Variants in KIAA2012 observed in about 807,000 individuals in gnomAD.
KIAA2012 encodes uncharacterized protein KIAA2012.
A neutral mutation model predicts 150.6 loss-of-function variants in KIAA2012; 125 were observed. The observed-to-expected ratio is 0.83, with a 90% confidence interval of 0.72 to 0.96. KIAA2012 has a LOEUF of 0.96. Among genes scored for constraint, KIAA2012 ranks in the 40% least tolerant of loss-of-function variants. The pLI, the probability that KIAA2012 is intolerant of heterozygous loss-of-function variation, is 0.00. For missense variants in KIAA2012, 1,219 were observed against 1,354.9 expected (o/e 0.90, Z 1.57); for synonymous variants, 462 against 504.7 (o/e 0.92, Z 1.13).
intron 4 of KIAA2012, among the ~76,000 whole-genome samples, chr2:202,094,225 A>C (rs1199500537): frequency 2.0e-5 from 3 of 152,166 alleles, no homozygotes; most frequent in Non-Finnish European, 4.4e-5. Context: ...CAAGGCTGTA[A>C]TGAGCTATGA....
intron 2 of KIAA2012, among the ~76,000 whole-genome samples, chr2:202,081,598 A>G (rs1689453781): frequency 7.4e-6 from 1 of 135,444 alleles, no homozygotes; most frequent in Non-Finnish European, 1.5e-5. Context: ...CCCAGACTGG[A>G]GTGCAATGGC....
chr2:202,191,182 C>G (rs1574315376), intron 19 of KIAA2012, among the ~76,000 whole-genome samples: 1 of 152,196 alleles, frequency 6.6e-6, no homozygotes, highest in African/African-American at 2.4e-5. Context: ...GAGGCTGAGG[C>G]AGGAGAATTG....
intron 4 of KIAA2012, 95 bp downstream of exon 4, chr2:202,093,280 G>A: frequency 7.6e-7 from 1 of 1,308,988 alleles, no homozygotes. Context: ...AAGGTCTTGA[G>A]ATTCTGGGTT....
At chr2:202,085,435 A>C (rs577717868) in intron 2 of KIAA2012, among the ~76,000 whole-genome samples, 27 of 152,280 alleles carry the variant, frequency 1.8e-4, no homozygotes, top group African/African-American at 6.3e-4. Context: ...AAGATCAGAG[A>C]GAGGGCAGCC....
At chr2:202,148,676 C>T (rs577889449) in intron 13 of KIAA2012, among the ~76,000 whole-genome samples, 57 of 152,316 alleles carry the variant, frequency 3.7e-4, no homozygotes, top group South Asian at 8.3e-4. Context: ...GCTATGCGGC[C>T]AGGCTGGGTT....
intron 2 of KIAA2012, among the ~76,000 whole-genome samples, chr2:202,080,758 C>A (rs991923917): frequency 1.3e-5 from 2 of 151,438 alleles, no homozygotes; most frequent in Non-Finnish European, 2.9e-5. Context: ...ATACCAGTAC[C>A]ATTCTAAGTG....
chr2:202,122,756 G>A (rs1026713868), intron 11 of KIAA2012, among the ~76,000 whole-genome samples: 8 of 152,144 alleles, frequency 5.3e-5, no homozygotes, highest in South Asian at 2.1e-4. Context: ...CACCTGCCTC[G>A]GCCTCCCAAA....
intron 18 of KIAA2012, 49 bp from the exon 19 acceptor site, chr2:202,190,125 A>T (rs1692298616): frequency 1.4e-6 from 2 of 1,406,664 alleles, no homozygotes; most frequent in Middle Eastern, 2.3e-4. Context: ...TATAGTGATC[A>T]CATTAAGTTA....
chr2:202,179,124 G>T (rs1185148665), intron 15 of KIAA2012: 2 of 437,942 alleles, frequency 4.6e-6, no homozygotes, highest in Non-Finnish European at 8.5e-6. Context: ...TTTGTGTTTT[G>T]AGGTTGGTTT....
rs1330531939 is a variant in KIAA2012, at chr2:202,187,877, A to G, written c.2377-275A>G. ...TCCCTTTGATCCAGCTCTGTGAATC[A>G]TGATTTAGAATCTAAGAAAGGAGGC... On this transcript the variant is annotated intron_variant, in intron 17 of 23. Coordinates refer to ENST00000498697, the MANE Select transcript of KIAA2012 (RefSeq NM_001277372.4). 4.6e-5 allele frequency among the ~76,000 whole-genome samples: 7 copies of G among 152,224 alleles called. No homozygotes were observed. The East Asian group carries it at 1.2e-3, about 25-fold the overall frequency.
intron 2 of KIAA2012, among the ~76,000 whole-genome samples, chr2:202,087,695 T>C (rs1328427950): frequency 1.3e-5 from 2 of 152,108 alleles, no homozygotes; most frequent in Non-Finnish European, 2.9e-5. Flanking sequence ...TTGGTTTTTC[T>C]TATTAGGCTT....
intron 15 of KIAA2012, among the ~76,000 whole-genome samples, chr2:202,182,397 C>T (rs951864196): frequency 1.3e-5 from 2 of 152,028 alleles, no homozygotes; most frequent in East Asian, 1.9e-4. Flanking sequence ...CAGGCATGAG[C>T]CCCCACACCC....
At chr2:202,082,133 T>C (rs577248885) in intron 2 of KIAA2012, among the ~76,000 whole-genome samples, 122 of 152,334 alleles carry the variant, frequency 8.0e-4, no homozygotes, top group African/African-American at 2.8e-3. Flanking sequence ...TAAAGAAATA[T>C]CTATTCAAGT....
At chr2:202,081,958 C>T (rs1378736511) in intron 2 of KIAA2012, among the ~76,000 whole-genome samples, 1 of 152,076 alleles carries the variant, frequency 6.6e-6, no homozygotes, top group Non-Finnish European at 1.5e-5. Context: ...GTTACAACAT[C>T]AACACATTAC....
chr2:202,077,193 T>G (rs1689345379), intron 2 of KIAA2012: 3 of 376,814 alleles, frequency 8.0e-6, no homozygotes, highest in Admixed American at 6.5e-5. Flanking sequence ...CCCAGCTGTT[T>G]GGCTTCTGAG....
chr2:202,075,520 G>T (rs1335926846), intron 2 of KIAA2012, among the ~76,000 whole-genome samples: 1 of 152,206 alleles, frequency 6.6e-6, no homozygotes, highest in Non-Finnish European at 1.5e-5. Flanking sequence ...TTGAAATCCT[G>T]TCTCATAGCC....
intron 13 of KIAA2012, among the ~76,000 whole-genome samples, chr2:202,149,413 G>T (rs1236359207): frequency 6.6e-6 from 1 of 152,216 alleles, no homozygotes; most frequent in Non-Finnish European, 1.5e-5. Flanking sequence ...ATGGCGGGGT[G>T]TGTGCCCCAG....
At chr2:202,188,564 T>C (rs1319003352) in intron 18 of KIAA2012, among the ~76,000 whole-genome samples, 1 of 152,214 alleles carries the variant, frequency 6.6e-6, no homozygotes, top group Non-Finnish European at 1.5e-5. Flanking sequence ...TGTGATCTCA[T>C]TAAATCCTCA....
intron 15 of KIAA2012, among the ~76,000 whole-genome samples, chr2:202,176,166 T>C (rs1691984694): frequency 6.6e-6 from 1 of 152,156 alleles, no homozygotes; most frequent in African/African-American, 2.4e-5. Context: ...TTACCTATTA[T>C]TCATAACACA....
Sources: gnomAD v4.1 joint callset for allele counts (sites outside exome capture counted in the v4.1 genomes callset) on GRCh38, gnomAD v4.1.1 for gene constraint, MANE v1.5 for transcripts, NCBI Gene and HGNC (gene_info 2026-07-23, HGNC 2026-07-21) for gene names.